MLLT10: variants seen among roughly 807,000 people sequenced by gnomAD.
MLLT10 encodes protein AF-10.
A neutral mutation model predicts 129.1 loss-of-function variants in MLLT10; 30 were observed. The ratio of observed to expected loss-of-function variants is 0.23; its 90% CI spans 0.17 to 0.32. The LOEUF is 0.32. MLLT10 is among the 10% of genes least tolerant of loss of function. The pLI, the probability that MLLT10 is intolerant of heterozygous loss-of-function variation, is 1.00. For synonymous variants in MLLT10, 490 were observed against 446.4 expected, an observed-to-expected ratio of 1.10 and a Z score of -1.23; for missense variants, 1,119 against 1,268.3, an observed-to-expected ratio of 0.88 and a Z score of 1.79.
rs1050230780 is a variant in MLLT10 at position 21,742,224 on chromosome 10, A to G, written c.*241A>G. ...CCCAGTTTTTTGAACATGGAAAGAA[A>G]ATTTAATAACTTTTTAAAGTGACAT... On this transcript the variant is annotated 3_prime_UTR_variant, in exon 23 of 23. Coordinates refer to ENST00000307729, the MANE Select transcript of MLLT10 (RefSeq NM_001195626.3). 4.9e-6 allele frequency: 2 copies of G among 409,034 alleles called. No homozygotes were observed. Among genetic ancestry groups the G allele is most frequent in the African/African-American group, 4.1e-5 (2 of 49,022 alleles). 25.3% of individuals were successfully genotyped at this position (409,034 alleles called of 1,614,324 possible).
chr10:21,625,489 A>G (rs1343473123), intron 8 of MLLT10: 4 of 992,002 alleles, frequency 4.0e-6, no homozygotes, highest in East Asian at 2.4e-5. Flanking sequence ...AGCCCATTCA[A>G]CTGTAACTAC....
At chr10:21,616,033 A>G (rs990610788) in intron 7 of MLLT10, among the ~76,000 whole-genome samples, 2 of 152,060 alleles carry the variant, frequency 1.3e-5, no homozygotes, top group Non-Finnish European at 2.9e-5. Flanking sequence ...TAAATACTAC[A>G]AGGGGCCCCT....
intron 3 of MLLT10, among the ~76,000 whole-genome samples, chr10:21,563,055 G>A (rs1333163235): frequency 6.6e-6 from 1 of 151,896 alleles, no homozygotes; most frequent in East Asian, 1.9e-4. Flanking sequence ...CCAACCTCAG[G>A]TTCCTGGTGC....
chr10:21,660,828 G>A (rs532384066), intron 9 of MLLT10, among the ~76,000 whole-genome samples: 5 of 145,196 alleles, frequency 3.4e-5, no homozygotes, highest in Admixed American at 1.4e-4. Context: ...AGCCAAGATA[G>A]CGTCATTGCG....
chr10:21,664,489 G>T (rs1329993890), intron 9 of MLLT10, among the ~76,000 whole-genome samples: 1 of 151,736 alleles, frequency 6.6e-6, no homozygotes, highest in Non-Finnish European at 1.5e-5. Flanking sequence ...TAGGGACAGG[G>T]TTTCACCATG....
chr10:21,717,962 CTTCT>C (rs2056869794), intron 14 of MLLT10, among the ~76,000 whole-genome samples: 1 of 148,474 alleles, frequency 6.7e-6, no homozygotes, highest in Non-Finnish European at 1.5e-5. Flanking sequence ...CTTCTTTCTT[CTTCT>C]TTCTTCTTTT....
intron 14 of MLLT10, among the ~76,000 whole-genome samples, chr10:21,714,877 T>G (rs1162119109): frequency 6.6e-6 from 1 of 152,192 alleles, no homozygotes; most frequent in Non-Finnish European, 1.5e-5. Flanking sequence ...AATCCTGTTT[T>G]ATAAAGAGGA....
At chr10:21,731,812 T>C (rs2057992756) in intron 17 of MLLT10, among the ~76,000 whole-genome samples, 1 of 152,172 alleles carries the variant, frequency 6.6e-6, no homozygotes, top group Non-Finnish European at 1.5e-5. Context: ...CTTGTCTTAA[T>C]TTTAGGGAAA....
At chr10:21,572,021 A>G (rs2040258271) in intron 3 of MLLT10, 2 of 152,220 alleles carry the variant, frequency 1.3e-5, no homozygotes, top group Non-Finnish European at 2.9e-5. Context: ...CCTCGAAGTC[A>G]TGAAGGTAAT....
At chr10:21,706,500 C>T (rs144956672) in intron 13 of MLLT10, among the ~76,000 whole-genome samples, 10 of 152,332 alleles carry the variant, frequency 6.6e-5, no homozygotes, top group Admixed American at 1.3e-4. Context: ...ACCATATTAA[C>T]CTCTAGGAAA....
At chr10:21,633,812 G>T (rs949126587) in intron 8 of MLLT10, among the ~76,000 whole-genome samples, 1 of 152,138 alleles carries the variant, frequency 6.6e-6, no homozygotes, top group African/African-American at 2.4e-5. Flanking sequence ...AATTAGCTTA[G>T]GAAATTTAAC....
intron 8 of MLLT10, among the ~76,000 whole-genome samples, chr10:21,619,413 T>A (rs539788807): frequency 9.9e-5 from 15 of 152,194 alleles, no homozygotes; most frequent in Non-Finnish European, 1.9e-4. Context: ...ATATGCCCTA[T>A]CATGTTATTT....
At chr10:21,626,206 T>C (rs2046418436) in intron 8 of MLLT10, 7 of 1,600,350 alleles carry the variant, frequency 4.4e-6, no homozygotes, top group Admixed American at 1.7e-5. Flanking sequence ...ACTGCTGTAG[T>C]ACAGACAGAG....
At chr10:21,708,887 G>A (rs2055801138) in intron 13 of MLLT10, among the ~76,000 whole-genome samples, 1 of 152,120 alleles carries the variant, frequency 6.6e-6, no homozygotes, top group Non-Finnish European at 1.5e-5. Context: ...ACACCAAAAT[G>A]GCCGTAGCTA....
At chr10:21,723,226 T>G (rs1472002752) in intron 14 of MLLT10, among the ~76,000 whole-genome samples, 1 of 152,182 alleles carries the variant, frequency 6.6e-6, no homozygotes, top group East Asian at 1.9e-4. Context: ...TCTATTTTGA[T>G]CTTTAGTATA....
intron 9 of MLLT10, among the ~76,000 whole-genome samples, chr10:21,664,390 T>G (rs2050532217): frequency 6.6e-6 from 1 of 151,326 alleles, no homozygotes; most frequent in Non-Finnish European, 1.5e-5. Context: ...CTCAGCTCAC[T>G]GCAGCCTCTG....
At chr10:21,736,418 G>A (rs975397688) in intron 21 of MLLT10, among the ~76,000 whole-genome samples, 5 of 152,168 alleles carry the variant, frequency 3.3e-5, no homozygotes, top group African/African-American at 1.2e-4. Context: ...CCGAGTAGCT[G>A]GGACTACAGG....
chr10:21,675,185 A>G (rs560577954), intron 11 of MLLT10, among the ~76,000 whole-genome samples: 1 of 152,354 alleles, frequency 6.6e-6, no homozygotes, highest in African/African-American at 2.4e-5. Flanking sequence ...CCAAGATCAC[A>G]TAGCCAGGAG....
At position 21,734,142 on chromosome 10, in the gene MLLT10, A is replaced by G. The variant is rs751409721; in HGVS notation, c.2858+13A>G. 6.3e-7 allele frequency: 1 copy of G among 1,579,518 alleles called. No individual in the cohort carries two copies. Among genetic ancestry groups the G allele is most frequent in the Non-Finnish European group, 8.6e-7 (1 of 1,161,886 alleles). On this transcript the variant is annotated intron_variant, in intron 20 of 22. Coordinates refer to ENST00000307729, the MANE Select transcript of MLLT10 (RefSeq NM_001195626.3). ...CACTGACTAACAGGTAAGAAACTTA[A>G]GTATGTTTTGGGTTTTTTAGTATAA...
Sources: gnomAD v4.1 joint callset for allele counts (sites outside exome capture counted in the v4.1 genomes callset) on GRCh38, gnomAD v4.1.1 for gene constraint, MANE v1.5 for transcripts, NCBI Gene and HGNC (gene_info 2026-07-23, HGNC 2026-07-21) for gene names.